CA5A: variants seen among roughly 807,000 people sequenced by gnomAD.
CA5A encodes the protein carbonic anhydrase 5A, mitochondrial.
In CA5A, 28 loss-of-function variants were observed where a neutral mutation model predicts 37.1. The observed-to-expected ratio is 0.75, with a 90% confidence interval of 0.56 to 1.03. The LOEUF is 1.03. Ranked by LOEUF, CA5A falls within the 50% of genes least tolerant of loss-of-function variation. The pLI is 0.00. For missense variants in CA5A, 444 were observed against 399.9 expected, an observed-to-expected ratio of 1.11 and a Z score of -0.94; for synonymous variants, 171 against 158.4, an observed-to-expected ratio of 1.08 and a Z score of -0.60.
intron 2 of CA5A, among the ~76,000 whole-genome samples, chr16:87,914,737 C>T (rs1002997046): frequency 2.0e-5 from 3 of 152,156 alleles, no homozygotes; most frequent in African/African-American, 7.2e-5. Context: ...ACCGGGCAGT[C>T]CACAAGGTGG....
At chr16:87,925,544 G>C (rs1387337753) in intron 2 of CA5A, 1 of 152,348 alleles carries the variant, frequency 6.6e-6, no homozygotes, top group Non-Finnish European at 1.5e-5. Flanking sequence ...GCAGGAGGGA[G>C]AGCAGGCGTT....
intron 5 of CA5A, among the ~76,000 whole-genome samples, chr16:87,900,755 G>C (rs758390425): frequency 2.0e-5 from 3 of 152,280 alleles, no homozygotes; most frequent in Non-Finnish European, 4.4e-5. Context: ...TGGGCTTGGG[G>C]TCGGACAGGG....
At chr16:87,906,671 G>A (rs1240914453) in intron 2 of CA5A, among the ~76,000 whole-genome samples, 1 of 152,052 alleles carries the variant, frequency 6.6e-6, no homozygotes, top group Non-Finnish European at 1.5e-5. Context: ...GTGTAAACTG[G>A]AAAATGGAAA....
intron 2 of CA5A, among the ~76,000 whole-genome samples, chr16:87,909,222 A>G (rs1484203093): frequency 2.0e-5 from 3 of 152,014 alleles, no homozygotes; most frequent in African/African-American, 4.8e-5. Context: ...GCCCTTTCCA[A>G]TCTGCCTCCT....
intron 5 of CA5A, among the ~76,000 whole-genome samples, chr16:87,896,473 T>G (rs1168104488): frequency 6.6e-6 from 1 of 152,192 alleles, no homozygotes; most frequent in East Asian, 1.9e-4. Context: ...CCTTCCTTTA[T>G]GCATGTGGTG....
intron 1 of CA5A, among the ~76,000 whole-genome samples, chr16:87,932,195 C>G (rs77298426): frequency 0.036 from 5,434 of 152,240 alleles, 346 homozygotes; most frequent in African/African-American, 0.12. Flanking sequence ...CTCTACCCCC[C>G]CTCCCACGGC....
At chr16:87,916,252 G>A (rs1418133505) in intron 2 of CA5A, among the ~76,000 whole-genome samples, 6 of 151,970 alleles carry the variant, frequency 3.9e-5, no homozygotes, top group African/African-American at 1.4e-4. Context: ...AGGCTGAGGT[G>A]GGTGGATAGC....
In CA5A at chr16:87,888,240, T is replaced by C. The variant is rs72816311; in HGVS notation, c.807A>G (p.Ala269=). The change falls in exon 7 of 7, where the codon GCA becomes GCG. Residue 269 remains alanine (A), a synonymous_variant. Transcript: ENST00000649794. ...LSAFRTLLFS[A]LGEEEKMMVN... ...CCATCATCTTCTCCTCTTCACCAAG[T>C]GCAGAAAACAGGAGAGTACGAAATG... The C allele has an allele frequency of 2.9e-5, 47 of 1,613,442 alleles. No individual in the cohort carries two copies. The highest frequency in any genetic ancestry group is 3.9e-5 in the Non-Finnish European group (46 of 1,179,696).
chr16:87,921,883 TGA>T (rs1421524575), intron 2 of CA5A, among the ~76,000 whole-genome samples: 2 of 151,348 alleles, frequency 1.3e-5, no homozygotes, highest in African/African-American at 4.9e-5. Flanking sequence ...TTATTATTTT[TGA>T]GAGACAGGAT....
intron 3 of CA5A, among the ~76,000 whole-genome samples, chr16:87,903,753 GTCC>G (rs980033330): frequency 5.3e-5 from 8 of 152,294 alleles, no homozygotes; most frequent in Admixed American, 1.3e-4. Context: ...AACAGAAAGA[GTCC>G]TCAGCTTGAA....
chr16:87,916,061 G>A (rs889703555), intron 2 of CA5A, among the ~76,000 whole-genome samples: 36 of 151,812 alleles, frequency 2.4e-4, no homozygotes, highest in South Asian at 1.5e-3. Context: ...GGGGTTACTC[G>A]GGAGCCTGCG....
chr16:87,917,164 T>G (rs1811940876), intron 2 of CA5A, among the ~76,000 whole-genome samples: 1 of 148,762 alleles, frequency 6.7e-6, no homozygotes, highest in Non-Finnish European at 1.5e-5. Flanking sequence ...GGCTTCTGGA[T>G]CCAAATGATA....
At chr16:87,913,544 G>T (rs2056083274) in intron 2 of CA5A, among the ~76,000 whole-genome samples, 1 of 152,218 alleles carries the variant, frequency 6.6e-6, no homozygotes, top group African/African-American at 2.4e-5. Context: ...AGTCTATTCA[G>T]CATTTCAGAT....
At chr16:87,919,794 G>A (rs2056205696) in intron 2 of CA5A, among the ~76,000 whole-genome samples, 1 of 152,222 alleles carries the variant, frequency 6.6e-6, no homozygotes, top group Non-Finnish European at 1.5e-5. Context: ...AGAGAGGAAG[G>A]CAGGGGGCAG....
rs1469152971 is a variant in CA5A, at chr16:87,911,855, A to C, written c.341-6951T>G. ...GTGGCCCAGACTAGACGTTTATAAA[A>C]GGATAATGATGCCTACTTCAGGGGC... is the stretch of plus-strand genomic sequence containing the variant. On this transcript the variant is annotated intron_variant, in intron 2 of 6. Transcript: ENST00000649794. This position sits in a 1 kb window ranked among gnomAD's most constrained non-coding sequence, Gnocchi z 4.6. 2.0e-5 allele frequency among the ~76,000 whole-genome samples: 3 copies of C among 152,234 alleles called. No homozygotes were observed. Among genetic ancestry groups the C allele is most frequent in the African/African-American group, 7.2e-5 (3 of 41,462 alleles).
intron 2 of CA5A, chr16:87,924,396 T>TA (rs1181834370): frequency 1.2e-6 from 1 of 816,758 alleles, no homozygotes; most frequent in Non-Finnish European, 1.5e-6. Flanking sequence ...ATGCACTGTG[T>TA]AGGGCCTGGC....
intron 2 of CA5A, 41 bp from the exon 3 acceptor site, chr16:87,904,945 G>C: frequency 1.5e-6 from 2 of 1,329,676 alleles, no homozygotes; most frequent in Non-Finnish European, 2.2e-6. Flanking sequence ...CATTTTGTCT[G>C]TTTGTTGAGC....
chr16:87,909,047 G>T (rs1049557858), intron 2 of CA5A, among the ~76,000 whole-genome samples: 2 of 149,958 alleles, frequency 1.3e-5, no homozygotes, highest in Admixed American at 1.3e-4. Flanking sequence ...TGGCCAGGAT[G>T]ATCTCGATCT....
chr16:87,924,125 C>T (rs1217463739), intron 2 of CA5A: 44 of 985,296 alleles, frequency 4.5e-5, no homozygotes, highest in Non-Finnish European at 5.3e-5. Context: ...TTTGTGCCTC[C>T]CAAGATCTGG....
Sources: gnomAD v4.1 joint callset for allele counts (sites outside exome capture counted in the v4.1 genomes callset) on GRCh38, gnomAD v4.1.1 for gene constraint, Gnocchi (gnomAD v3.1) non-coding constraint, MANE v1.5 for transcripts, NCBI Gene and HGNC (gene_info 2026-07-23, HGNC 2026-07-21) for gene names.